The following FAF1 variants were observed in gnomAD, a reference collection of about 807,000 sequenced individuals.
The protein encoded by FAF1 is Fas associated factor 1.
FAF1 carries 25 observed loss-of-function variants against 92.5 expected under a neutral mutation model. The observed-to-expected ratio is 0.27, with a 90% confidence interval of 0.20 to 0.38. The LOEUF is 0.38. Ranked by LOEUF, FAF1 falls within the 10% of genes least tolerant of loss-of-function variation. FAF1 has a pLI of 1.00. For missense variants in FAF1, 636 were observed against 793.3 expected, an observed-to-expected ratio of 0.80 and a Z score of 2.38; for synonymous variants, 234 against 273.2, an observed-to-expected ratio of 0.86 and a Z score of 1.42.
At chr1:50,666,702 G>A (rs1655651337) in intron 7 of FAF1, among the ~76,000 whole-genome samples, 1 of 152,090 alleles carries the variant, frequency 6.6e-6, no homozygotes, top group Non-Finnish European at 1.5e-5. Context: ...GGCCAACATG[G>A]TGAAACTCCA....
chr1:50,720,559 G>A (rs1658366923), intron 6 of FAF1, among the ~76,000 whole-genome samples: 1 of 152,110 alleles, frequency 6.6e-6, no homozygotes, highest in African/African-American at 2.4e-5. Context: ...TGACACTTTG[G>A]TATGCTGCTT....
chr1:50,732,895 T>C (rs994044620), intron 6 of FAF1, among the ~76,000 whole-genome samples: 2 of 123,760 alleles, frequency 1.6e-5, no homozygotes, highest in Non-Finnish European at 3.6e-5. Context: ...ATTTACTTCT[T>C]TTTTTTTTTA....
intron 13 of FAF1, 70 bp downstream of exon 13, chr1:50,567,007 G>A (rs976403385): frequency 8.5e-6 from 10 of 1,171,286 alleles, no homozygotes; most frequent in Non-Finnish European, 1.2e-5. Flanking sequence ...AAATGTTTAT[G>A]ATGATGATAA....
chr1:50,723,002 G>C (rs6680846), intron 6 of FAF1, among the ~76,000 whole-genome samples: 71,657 of 152,016 alleles, frequency 0.47, 19,137 homozygotes, highest in African/African-American at 0.72. Flanking sequence ...TGTGACTTAT[G>C]TTGTATTAAG....
At chr1:50,574,306 T>C (rs938739651) in intron 12 of FAF1, among the ~76,000 whole-genome samples, 8 of 152,176 alleles carry the variant, frequency 5.3e-5, no homozygotes, top group Admixed American at 2.6e-4. Flanking sequence ...GCTGAAACGA[T>C]TGGCTCTTAC....
At chr1:50,688,149 A>G (rs988270670) in intron 7 of FAF1, among the ~76,000 whole-genome samples, 1 of 151,810 alleles carries the variant, frequency 6.6e-6, no homozygotes, top group African/African-American at 2.4e-5. Context: ...AAAAATAAAT[A>G]AATAAATAAA....
intron 18 of FAF1, among the ~76,000 whole-genome samples, chr1:50,444,221 T>C (rs1450639271): frequency 6.6e-6 from 1 of 152,174 alleles, no homozygotes. Context: ...TGTGAAACTG[T>C]CCTGCAGTGC....
intron 4 of FAF1, among the ~76,000 whole-genome samples, chr1:50,745,918 A>G (rs1659567338): frequency 6.6e-6 from 1 of 152,072 alleles, no homozygotes; most frequent in African/African-American, 2.4e-5. Flanking sequence ...AAGATGAGGG[A>G]AAATTAGGAA....
At chr1:50,622,173 A>AT (rs1009696108) in intron 8 of FAF1, among the ~76,000 whole-genome samples, 6 of 151,702 alleles carry the variant, frequency 4.0e-5, no homozygotes, top group African/African-American at 9.7e-5. Context: ...TCAAAAAAAA[A>AT]AAAATAAAAA....
At chr1:50,451,173 CG>C (rs1278048945) in intron 18 of FAF1, among the ~76,000 whole-genome samples, 2 of 151,854 alleles carry the variant, frequency 1.3e-5, no homozygotes, top group Non-Finnish European at 2.9e-5. Context: ...CCTTTGATGA[CG>C]TTTTTAAGGT....
intron 15 of FAF1, among the ~76,000 whole-genome samples, chr1:50,508,986 G>T (rs1279870712): frequency 6.6e-6 from 1 of 152,188 alleles, no homozygotes; most frequent in Non-Finnish European, 1.5e-5. Context: ...TTACAGGCGT[G>T]AGCCACTGTG....
chr1:50,802,946 A>C (rs550181967), intron 2 of FAF1, among the ~76,000 whole-genome samples: 1 of 152,218 alleles, frequency 6.6e-6, no homozygotes, highest in East Asian at 1.9e-4. Flanking sequence ...TGTTGAATGG[A>C]AATAAATAGA....
At chr1:50,593,127 T>G (rs1248173038) in intron 9 of FAF1, among the ~76,000 whole-genome samples, 1 of 152,154 alleles carries the variant, frequency 6.6e-6, no homozygotes, top group African/African-American at 2.4e-5. Flanking sequence ...GCAAAACTCC[T>G]AATAATAAGA....
intron 8 of FAF1, among the ~76,000 whole-genome samples, chr1:50,627,097 G>C (rs993091104): frequency 1.3e-5 from 2 of 152,132 alleles, no homozygotes; most frequent in Admixed American, 1.3e-4. Context: ...ACCTCTAAGT[G>C]AAGATGATAA....
intron 1 of FAF1, among the ~76,000 whole-genome samples, chr1:50,941,710 A>G (rs1000546260): frequency 2.0e-5 from 3 of 152,210 alleles, no homozygotes; most frequent in African/African-American, 7.2e-5. Flanking sequence ...TGCAGTACTT[A>G]TTAATAATTT....
chr1:50,483,793 T>C (rs1646728003), intron 17 of FAF1, among the ~76,000 whole-genome samples: 1 of 152,298 alleles, frequency 6.6e-6, no homozygotes, highest in Non-Finnish European at 1.5e-5. Context: ...TCATTAAATA[T>C]GGATGTAAAC....
chr1:50,650,051 G>A (rs535640298), intron 8 of FAF1, among the ~76,000 whole-genome samples: 11 of 152,002 alleles, frequency 7.2e-5, no homozygotes, highest in Non-Finnish European at 1.2e-4. Context: ...CTGGGAGGCC[G>A]AGGTGGGCGG....
chr1:50,573,761 A>C (rs1350400050), intron 12 of FAF1, among the ~76,000 whole-genome samples: 2 of 151,928 alleles, frequency 1.3e-5, no homozygotes, highest in Non-Finnish European at 2.9e-5. Context: ...TTGAGGACAC[A>C]GATATCTGAA....
At chr1:50,771,347 T>G (rs1336198280) in intron 4 of FAF1, among the ~76,000 whole-genome samples, 1 of 152,124 alleles carries the variant, frequency 6.6e-6, no homozygotes, top group Admixed American at 6.5e-5. Flanking sequence ...ATTTGCAACC[T>G]ACAGAATGGG....
Sources: allele counts gnomAD v4.1 joint callset (sites outside exome capture counted in the v4.1 genomes callset), GRCh38; gene constraint gnomAD v4.1.1; transcripts MANE v1.5; gene names NCBI Gene and HGNC (gene_info 2026-07-23, HGNC 2026-07-21).